The following SLC6A8 variants were observed in gnomAD, a reference collection of about 807,000 sequenced individuals.
SLC6A8 encodes the protein solute carrier family 6 member 8.
SLC6A8 carries 6 observed loss-of-function variants against 48.3 expected under a neutral mutation model. That is an observed-to-expected ratio of 0.12 (90% CI 0.07 to 0.25). The LOEUF (loss-of-function observed/expected upper bound fraction) is 0.25, where lower values mean the gene tolerates loss of function less well. SLC6A8 is among the 10% of genes least tolerant of loss of function. SLC6A8 has a pLI of 1.00. For synonymous variants in SLC6A8, 245 were observed against 244.0 expected (o/e 1.00, Z -0.04); for missense variants, 260 against 551.5 (o/e 0.47, Z 5.29).
intron 11 of SLC6A8, 29 bp downstream of exon 11, chrX:153,694,662 G>T (rs376387588): frequency 1.7e-6 from 2 of 1,195,568 alleles, no homozygotes; most frequent in Admixed American, 2.2e-5. Context: ...GGGGCAGGGC[G>T]GGGGGCGAGG....
At chrX:153,692,880 G>T (rs1394506389) in intron 4 of SLC6A8, 161 bp from the exon 5 acceptor site, 4 of 691,644 alleles carry the variant, frequency 5.8e-6, no homozygotes, top group Non-Finnish European at 8.9e-6. Flanking sequence ...CAGGGCTGCC[G>T]GGGCGCAGCC....
At chrX:153,692,880 G>A (rs1394506389) in intron 4 of SLC6A8, 161 bp from the exon 5 acceptor site, 13 of 691,645 alleles carry the variant, frequency 1.9e-5, no homozygotes, top group East Asian at 1.8e-4. Context: ...CAGGGCTGCC[G>A]GGGCGCAGCC....
chrX:153,694,617 C>G lies in SLC6A8; in HGVS notation c.1580C>G (p.Thr527Ser), dbSNP rs1557045578. ...ATGAAATGGTGCTGGTCCTTCTTCA[C>G]CCCGCTGGTCTGCATGGTAAGGGCT... ...PWMKWCWSFF[T>S]PLVCMGIFIF... Residue 527 changes from threonine (T) to serine (S), a missense_variant, in exon 11 of 13, where the codon ACC becomes AGC. Around this residue, in one of 7 missense-constraint regions of SLC6A8, gnomAD observed 87 missense variants for 120.9 expected, o/e 0.72. Transcript: ENST00000253122. 1.7e-6 allele frequency: 2 copies of G among 1,205,161 alleles called. No homozygotes were observed. The highest frequency in any genetic ancestry group is 5.9e-5 in the East Asian group (2 of 33,786).
In SLC6A8 at chrX:153,696,216, C is replaced by G; in HGVS notation, c.*1002C>G. ...CCTCGGGGCTGTCCCCACGCTGTCC[C>G]TTTGCCACAAGTCTGTGGGGCAAGA... On this transcript the variant is annotated 3_prime_UTR_variant, in exon 13 of 13. Coordinates refer to ENST00000253122, the MANE Select transcript of SLC6A8 (RefSeq NM_005629.4). 3.7e-6 allele frequency: 1 copy of G among 270,011 alleles called. No individual in the cohort carries two copies. Among genetic ancestry groups the G allele is most frequent in the African/African-American group, 2.7e-5 (1 of 36,541 alleles). 22.3% of individuals were successfully genotyped at this position (270,011 alleles called of 1,213,427 possible).
intron 4 of SLC6A8, chrX:153,692,823 C>T: frequency 2.0e-6 from 1 of 500,676 alleles, no homozygotes; most frequent in Non-Finnish European, 3.6e-6. Flanking sequence ...GACACGCGTC[C>T]CTGCAGACAA....
At chrX:153,692,778 G>A (rs1557044821) in intron 4 of SLC6A8, 1 of 460,903 alleles carries the variant, frequency 2.2e-6, no homozygotes, top group Non-Finnish European at 4.0e-6. Flanking sequence ...TGTCCCCACT[G>A]AGGAGAGCTC....
chrX:153,694,616 A>C lies in SLC6A8; in HGVS notation c.1579A>C (p.Thr527Pro), dbSNP rs1603217639. Residue 527 changes from threonine to proline, a missense_variant, in exon 11 of 13, where the codon ACC (threonine) becomes CCC (proline). By Grantham distance (38) the Thr-to-Pro change is conservative (BLOSUM62 -1). Coordinates refer to ENST00000253122, the MANE Select transcript of SLC6A8 (RefSeq NM_005629.4). ...GATGAAATGGTGCTGGTCCTTCTTC[A>C]CCCCGCTGGTCTGCATGGTAAGGGC... ...PWMKWCWSFF[T>P]PLVCMGIFIF... 1 of 957,360 alleles carries C rather than the reference A, an allele frequency of 1.0e-6. No individual in the cohort carries two copies. The highest frequency in any genetic ancestry group is 2.8e-5 in the Admixed American group (1 of 35,980). The allele number at this position is 957,360 out of a possible 1,213,427, so 78.9% of individuals were successfully genotyped here.
Position 153,693,559 on chromosome X carries a change from G to A in SLC6A8, c.1114G>A (p.Val372Met), listed in dbSNP as rs2091469664. 1.2e-5 allele frequency: 14 copies of A among 1,211,053 alleles called. No homozygotes were observed. Among genetic ancestry groups the A allele is most frequent in the Non-Finnish European group, 1.6e-5 (14 of 894,975 alleles). The change falls in exon 7 of 13, where the codon GTG (valine) becomes ATG (methionine). Residue 372 changes from valine to methionine, a missense_variant. Transcript: ENST00000253122. Reference sequence around the variant, plus strand: ...GGGCTTCATGGCTGCAGAGCAGGGCGTGCACATCTCCAAGGTGGCAGAGTC... The same window carrying A: ...GGGCTTCATGGCTGCAGAGCAGGGCATGCACATCTCCAAGGTGGCAGAGTC... ...ILGFMAAEQG[V>M]HISKVAESGP...
rs1238480996 is a variant in SLC6A8 at position 153,694,442 on chromosome X, G to A, written c.1491G>A (p.Val497=). The part of the protein sequence containing the change: ...AFWECVVVAW[V]YGADRFMDDI... ...GGGAGTGCGTGGTGGTGGCCTGGGTGTACGGTAGGTCATGGCTGAGGGCTG... is the reference window on the plus strand; with the variant it reads ...GGGAGTGCGTGGTGGTGGCCTGGGTATACGGTAGGTCATGGCTGAGGGCTG... The change falls in exon 10 of 13, where the codon GTG becomes GTA. Residue 497 remains valine, a synonymous_variant. Coordinates refer to ENST00000253122, the MANE Select transcript of SLC6A8 (RefSeq NM_005629.4). 2.5e-6 allele frequency: 3 copies of A among 1,202,920 alleles called. No individual in the cohort carries two copies. The highest frequency in any genetic ancestry group is 3.5e-5 in the African/African-American group (2 of 56,930).
At chrX:153,693,835 A>G in intron 7 of SLC6A8, 70 bp from the exon 8 acceptor site, 1 of 926,648 alleles carries the variant, frequency 1.1e-6, no homozygotes, top group Non-Finnish European at 1.5e-6. Flanking sequence ...CGAGTGTTGC[A>G]GGCAGGGCTC....
In SLC6A8 at chrX:153,694,580, C is replaced by G; in HGVS notation, c.1543C>G (p.Pro515Ala). 4 of 1,209,741 alleles carry G rather than the reference C, an allele frequency of 3.3e-6. No homozygotes were observed. Among genetic ancestry groups the G allele is most frequent in the Non-Finnish European group, 4.5e-6 (4 of 894,407 alleles). Reference protein sequence around the residue: ...DDIACMIGYRPCPWMKWCWSF... With the variant: ...DDIACMIGYRACPWMKWCWSF... ...CATTGCCTGTATGATCGGGTACCGA[C>G]CTTGCCCCTGGATGAAATGGTGCTG... is the stretch of plus-strand genomic sequence containing the variant. The change falls in exon 11 of 13, where the codon CCT becomes GCT. Residue 515 changes from proline (P) to alanine (A), a missense_variant. By Grantham distance (27) the Pro-to-Ala change is conservative. Transcript: ENST00000253122.
chrX:153,696,319 C>G lies in SLC6A8; in HGVS notation c.*1105C>G, dbSNP rs1557046181. 3.0e-6 allele frequency: 1 copy of G among 328,185 alleles called. No homozygotes were observed. The highest frequency in any genetic ancestry group is 2.6e-5 in the African/African-American group (1 of 37,960). The allele number at this position is 328,185 out of a possible 1,213,427, so 27.0% of individuals were successfully genotyped here. On this transcript the variant is annotated 3_prime_UTR_variant, in exon 13 of 13. Coordinates refer to ENST00000253122, the MANE Select transcript of SLC6A8 (RefSeq NM_005629.4). Reference sequence around the variant, plus strand: ...CTTCCCACCCTGTGCGGGGCACACCCCCAGGAAGGGACCCTGGACACGGCT... The same window carrying G: ...CTTCCCACCCTGTGCGGGGCACACCGCCAGGAAGGGACCCTGGACACGGCT...
rs782468049 is a variant in SLC6A8, at chrX:153,690,767, G to A, written c.394+261G>A. The A allele has an allele frequency of 5.6e-5, 21 of 376,737 alleles. No homozygotes were observed. In the South Asian group the frequency reaches 6.7e-4, roughly 12 times the overall value. The allele number at this position is 376,737 out of a possible 1,213,427, so 31.0% of individuals were successfully genotyped here. A position where few individuals can be genotyped will look rare whatever the true frequency, so the allele number is the denominator to read the frequency against. The stretch of plus-strand genomic sequence containing the variant: ...ACGGGACCTGCCCAGCAGCACCCTT[G>A]GCTCTCTAGGTAGGTCCTACTGTTA... On this transcript the variant is annotated intron_variant, in intron 2 of 12. Transcript: ENST00000253122.
intron 11 of SLC6A8, 34 bp downstream of exon 11, chrX:153,694,667 G>T (rs782265961): frequency 1.7e-6 from 2 of 1,194,073 alleles, no homozygotes; most frequent in Admixed American, 2.2e-5. Flanking sequence ...AGGGCGGGGG[G>T]CGAGGCAGGG....
rs782074069 is a variant in SLC6A8 at position 153,694,585 on chromosome X, C to T, written c.1548C>T (p.Cys516=). 6 of 1,209,639 alleles carry T rather than the reference C, an allele frequency of 5.0e-6. No homozygotes were observed. The Admixed American group carries it at 8.7e-5, about 18-fold the overall frequency. ...CCTGTATGATCGGGTACCGACCTTG[C>T]CCCTGGATGAAATGGTGCTGGTCCT... is the stretch of plus-strand genomic sequence containing the variant. ...DIACMIGYRP[C]PWMKWCWSFF... The change falls in exon 11 of 13, where the codon TGC becomes TGT. Residue 516 remains cysteine, a synonymous_variant. Coordinates refer to ENST00000253122, the MANE Select transcript of SLC6A8 (RefSeq NM_005629.4).
At chrX:153,690,277 G>T (rs1266016850) in intron 1 of SLC6A8, 98 bp from the exon 2 acceptor site, 33 of 955,491 alleles carry the variant, frequency 3.5e-5, no homozygotes, top group Non-Finnish European at 4.7e-5. Flanking sequence ...CACCCAGTCG[G>T]AAGTTGTGAT....
intron 4 of SLC6A8, 89 bp downstream of exon 4, chrX:153,692,196 CCAGA>C (rs782160985): frequency 7.2e-5 from 69 of 951,754 alleles, no homozygotes; most frequent in African/African-American, 1.2e-4. Flanking sequence ...CGGGAGGTGA[CCAGA>C]CAGAGTCTAG....
intron 3 of SLC6A8, 101 bp downstream of exon 3, chrX:153,691,654 C>T (rs1437069519): frequency 5.9e-6 from 6 of 1,022,536 alleles, no homozygotes; most frequent in Non-Finnish European, 8.2e-6. Flanking sequence ...CAGGGTGTTG[C>T]CTGGCAGTCC....
chrX:153,696,231 G>A lies in SLC6A8; in HGVS notation c.*1017G>A, dbSNP rs2091491327. The A allele has an allele frequency of 3.7e-6, 1 of 273,622 alleles. No individual in the cohort carries two copies. Among genetic ancestry groups the A allele is most frequent in the African/African-American group, 2.7e-5 (1 of 36,432 alleles). The allele number at this position is 273,622 out of a possible 1,213,427, so 22.5% of individuals were successfully genotyped here. A position where few individuals can be genotyped will look rare whatever the true frequency, so the allele number is the denominator to read the frequency against. Reference sequence around the variant, plus strand: ...CACGCTGTCCCTTTGCCACAAGTCTGTGGGGCAAGAGGCTGCAATATTCCG... The same window carrying A: ...CACGCTGTCCCTTTGCCACAAGTCTATGGGGCAAGAGGCTGCAATATTCCG... On this transcript the variant is annotated 3_prime_UTR_variant, in exon 13 of 13. Coordinates refer to ENST00000253122, the MANE Select transcript of SLC6A8 (RefSeq NM_005629.4).
Sources: gnomAD v4.1 joint callset for allele counts on GRCh38, gnomAD v4.1.1 for gene constraint, gnomAD v4.1.1 regional missense constraint, MANE v1.5 for transcripts, NCBI Gene and HGNC (gene_info 2026-07-23, HGNC 2026-07-21) for gene names.